Variants in SYT14 observed in about 807,000 individuals in gnomAD.
SYT14 encodes synaptotagmin 14, also known as synaptotagmin-14.
A neutral mutation model predicts 74.2 loss-of-function variants in SYT14; 32 were observed. That is an observed-to-expected ratio of 0.43 (90% CI 0.33 to 0.58). The LOEUF is 0.58. Ranked by LOEUF, SYT14 falls within the 20% of genes least tolerant of loss-of-function variation. SYT14 has a pLI of 0.05. For synonymous variants in SYT14, 298 were observed against 337.7 expected (o/e 0.88, Z 1.29); for missense variants, 791 against 981.8 (o/e 0.81, Z 2.60).
chr1:210,004,025 A>C lies in SYT14; in HGVS notation c.-485-9608A>C, dbSNP rs368277471. Among the ~76,000 whole-genome samples, 8 of 152,154 alleles carry C rather than the reference A, an allele frequency of 5.3e-5. No homozygotes were observed. The South Asian group carries it at 1.2e-3, about 24-fold the overall frequency. On this transcript the variant is annotated intron_variant, in intron 2 of 9. Transcript: ENST00000637265. ...GAAATTGGAGACCATAATTGCTTTC[A>C]TCAGAATCAGATAGCATAATAGAAT...
At chr1:209,978,074 C>G (rs115503938) in intron 2 of SYT14, among the ~76,000 whole-genome samples, 7,602 of 152,128 alleles carry the variant, frequency 0.05, 1,026 homozygotes, top group East Asian at 0.41. Context: ...TTTAAGGACT[C>G]TTTGCATGGG....
intron 2 of SYT14, among the ~76,000 whole-genome samples, chr1:209,957,501 G>A (rs1028271725): frequency 6.3e-4 from 96 of 151,384 alleles, no homozygotes; most frequent in African/African-American, 2.0e-3. Context: ...ATCTCGGCTC[G>A]CTGCAATCTC....
intron 7 of SYT14, among the ~76,000 whole-genome samples, chr1:210,155,504 A>T (rs1335225582): frequency 6.6e-6 from 1 of 152,212 alleles, no homozygotes; most frequent in Non-Finnish European, 1.5e-5. Flanking sequence ...GGATTTATGA[A>T]ATCTTCTCAT....
chr1:209,965,958 C>T (rs541058572), intron 2 of SYT14: 81 of 454,918 alleles, frequency 1.8e-4, no homozygotes, highest in South Asian at 1.2e-3. Context: ...GCAACTTCCG[C>T]CTCCTGGGTT....
chr1:210,162,008 C>G (rs1327345146), exon 10 of SYT14: 1 of 453,606 alleles, frequency 2.2e-6, no homozygotes, highest in South Asian at 1.6e-5. Flanking sequence ...TATTTAGTAA[C>G]CAACACTGCG....
chr1:210,029,542 TGG>T (rs1247939546), intron 5 of SYT14, among the ~76,000 whole-genome samples: 5 of 152,320 alleles, frequency 3.3e-5, no homozygotes, highest in Middle Eastern at 3.4e-3. Flanking sequence ...TGTGTGGTCT[TGG>T]TCCCCTGTCA....
rs145749454 is a variant in SYT14 at position 210,090,872 on chromosome 1, A to G, written c.1313-3450A>G. 2.5e-3 allele frequency among the ~76,000 whole-genome samples: 381 copies of G among 152,308 alleles called. 2 individuals are homozygous for G. The highest frequency in any genetic ancestry group is 6.2e-3 in the East Asian group (32 of 5,186). ...AAACATTTAAAAAGGAGGGATCTTC[A>G]TAACTATATTTTTTAATGAAATTTT... On this transcript the variant is annotated intron_variant, in intron 5 of 9. Transcript: ENST00000637265.
intron 7 of SYT14, among the ~76,000 whole-genome samples, chr1:210,129,655 C>T (rs911995282): frequency 9.9e-5 from 15 of 152,256 alleles, no homozygotes; most frequent in African/African-American, 3.4e-4. Context: ...TACATGAAAT[C>T]CTATTTTAAT....
In SYT14 at chr1:209,991,988, A is replaced by G. The variant is rs2079697313; in HGVS notation, c.-485-21645A>G. Among the ~76,000 whole-genome samples the G allele has an allele frequency of 2.0e-5, 3 of 152,180 alleles. No homozygotes were observed. The South Asian group carries it at 6.2e-4, about 32-fold the overall frequency. ...AACAGAACTACCATTTGACCTAGCA[A>G]TCTCATTACTTAGTATAGGCTCAAG... On this transcript the variant is annotated intron_variant, in intron 2 of 9. Transcript: ENST00000637265.
intron 5 of SYT14, among the ~76,000 whole-genome samples, chr1:210,030,830 C>G (rs369269420): frequency 1.3e-5 from 2 of 152,080 alleles, no homozygotes; most frequent in South Asian, 4.1e-4. Flanking sequence ...AGAACAGTTT[C>G]TTGAGAGAGG....
intron 2 of SYT14, among the ~76,000 whole-genome samples, chr1:209,974,781 G>C (rs980318866): frequency 1.1e-4 from 17 of 152,164 alleles, no homozygotes; most frequent in Admixed American, 3.3e-4. Context: ...AGATGGCATT[G>C]AATCTATAAA....
chr1:210,061,933 C>A (rs560333605), intron 5 of SYT14, among the ~76,000 whole-genome samples: 1 of 151,336 alleles, frequency 6.6e-6, no homozygotes, highest in Non-Finnish European at 1.5e-5. Flanking sequence ...ACTGTAGTTG[C>A]CTTATTTTTT....
intron 2 of SYT14, among the ~76,000 whole-genome samples, chr1:209,980,906 C>T (rs2079472062): frequency 6.6e-6 from 1 of 152,098 alleles, no homozygotes; most frequent in Non-Finnish European, 1.5e-5. Flanking sequence ...GTTCTTTTTG[C>T]TTAGGATTGT....
At chr1:209,953,570 G>A (rs2078946063) in intron 2 of SYT14, among the ~76,000 whole-genome samples, 1 of 152,178 alleles carries the variant, frequency 6.6e-6, no homozygotes, top group Admixed American at 6.5e-5. Context: ...TTGGAGCAGT[G>A]TCATTATTTG....
chr1:210,169,625 G>A (rs1479469546), exon 10 of SYT14: 2 of 151,930 alleles, frequency 1.3e-5, no homozygotes, highest in Non-Finnish European at 2.9e-5. Context: ...TAATATAGTG[G>A]CAACGATTTT....
At chr1:209,950,810 A>G (rs2078899545) in intron 1 of SYT14, among the ~76,000 whole-genome samples, 1 of 152,150 alleles carries the variant, frequency 6.6e-6, no homozygotes, top group East Asian at 1.9e-4. Flanking sequence ...ATAAGCTTCT[A>G]TGCTAAACTG....
intron 5 of SYT14, among the ~76,000 whole-genome samples, chr1:210,090,595 T>C (rs969208082): frequency 2.0e-5 from 3 of 152,222 alleles, no homozygotes; most frequent in Admixed American, 6.5e-5. Context: ...AATCCTCTTA[T>C]AGATATATCA....
rs58482414 is a variant in SYT14, at chr1:209,966,162, G to A, written c.-486+13406G>A. ...TGAGGTTACAGGCATGAGCCACCGCGCCCGTTCTATTTTTGAACTTTATCC... is the reference window on the plus strand; with the variant it reads ...TGAGGTTACAGGCATGAGCCACCGCACCCGTTCTATTTTTGAACTTTATCC... On this transcript the variant is annotated intron_variant, in intron 2 of 9. Coordinates refer to ENST00000637265, the Ensembl canonical transcript of SYT14. 1,525 of 286,020 alleles carry A rather than the reference G, an allele frequency of 5.3e-3. 20 individuals carry two copies. Among genetic ancestry groups the A allele is most frequent in the African/African-American group, 0.03 (1,359 of 44,654 alleles). The allele number at this position is 286,020 out of a possible 1,614,324, so 17.7% of individuals were successfully genotyped here. A position where few individuals can be genotyped will look rare whatever the true frequency, so the allele number is the denominator to read the frequency against.
intron 7 of SYT14, among the ~76,000 whole-genome samples, chr1:210,149,420 A>G (rs1019997684): frequency 2.6e-5 from 4 of 152,020 alleles, no homozygotes; most frequent in African/African-American, 7.3e-5. Context: ...CGTGGCCTCA[A>G]GTGATCTGCC....
Sources: allele counts gnomAD v4.1 joint callset (sites outside exome capture counted in the v4.1 genomes callset), GRCh38; gene constraint gnomAD v4.1.1; transcripts MANE v1.5; gene names NCBI Gene and HGNC (gene_info 2026-07-23, HGNC 2026-07-21).